Variants in GLIS1 observed in about 807,000 individuals in gnomAD.
The protein encoded by GLIS1 is GLIS family zinc finger 1, also known as zinc finger protein GLIS1.
A neutral mutation model predicts 63.8 loss-of-function variants in GLIS1; 24 were observed. The ratio of observed to expected loss-of-function variants is 0.38; its 90% CI spans 0.27 to 0.53. The LOEUF (loss-of-function observed/expected upper bound fraction) is 0.53, where lower values mean the gene tolerates loss of function less well. Ranked by LOEUF, GLIS1 falls within the 20% of genes least tolerant of loss-of-function variation. The pLI, the probability that GLIS1 is intolerant of heterozygous loss-of-function variation, is 0.85. For synonymous variants in GLIS1, 450 were observed against 482.5 expected (o/e 0.93, Z 0.88); for missense variants, 1,036 against 1,074.1 (o/e 0.96, Z 0.50).
At chr1:53,712,152 C>T (rs1025523233) in intron 2 of GLIS1, among the ~76,000 whole-genome samples, 6 of 152,172 alleles carry the variant, frequency 3.9e-5, no homozygotes, top group African/African-American at 1.4e-4. Flanking sequence ...TTCCTCCCCA[C>T]TACCCAACAT....
chr1:53,510,539 G>GAGACA (rs1644288592), intron 8 of GLIS1, among the ~76,000 whole-genome samples: 1 of 152,208 alleles, frequency 6.6e-6, no homozygotes, highest in Admixed American at 6.5e-5. Context: ...CAGGTCCTGG[G>GAGACA]AGACAGGTGT....
At chr1:53,678,145 G>T (rs1646234104) in intron 2 of GLIS1, among the ~76,000 whole-genome samples, 1 of 152,084 alleles carries the variant, frequency 6.6e-6, no homozygotes, top group Non-Finnish European at 1.5e-5. Context: ...CTGAGGCAGT[G>T]GGCACCCCCA....
chr1:53,636,931 G>A (rs1007617311), intron 2 of GLIS1, among the ~76,000 whole-genome samples: 18 of 152,188 alleles, frequency 1.2e-4, no homozygotes, highest in African/African-American at 3.9e-4. Context: ...TCTGTTCGTG[G>A]GCAGGACGAG....
At chr1:53,656,707 G>A (rs1021947856) in intron 2 of GLIS1, among the ~76,000 whole-genome samples, 3 of 152,240 alleles carry the variant, frequency 2.0e-5, no homozygotes, top group Non-Finnish European at 4.4e-5. Context: ...TGAGAAAGGG[G>A]TCGGAGAGGG....
chr1:53,527,422 G>C (rs868419846), intron 5 of GLIS1, among the ~76,000 whole-genome samples: 1 of 152,192 alleles, frequency 6.6e-6, no homozygotes, highest in Non-Finnish European at 1.5e-5. Flanking sequence ...GTCCATGTGC[G>C]GGGCCTCACA....
At chr1:53,709,249 T>C (rs1404407286) in intron 2 of GLIS1, among the ~76,000 whole-genome samples, 1 of 151,742 alleles carries the variant, frequency 6.6e-6, no homozygotes, top group African/African-American at 2.4e-5. Flanking sequence ...GCCTCGCACA[T>C]ATTGGGATCT....
rs1224230877 is a variant in GLIS1 at position 53,646,222 on chromosome 1, G to GT, written c.260-45945dup. Among the ~76,000 whole-genome samples the GT allele has an allele frequency of 6.6e-6, 1 of 152,172 alleles. No individual in the cohort carries two copies. Among genetic ancestry groups the GT allele is most frequent in the Non-Finnish European group, 1.5e-5 (1 of 68,032 alleles). Reference sequence around the variant, plus strand: ...AATGACAAACATAAGATTACCTCTAGTGGGTAAGCAGGGATGAAAGAAATA... The same window carrying GT: ...AATGACAAACATAAGATTACCTCTAGTTGGGTAAGCAGGGATGAAAGAAATA... On this transcript the variant is annotated intron_variant, in intron 2 of 10. Transcript: ENST00000628545. The surrounding 1 kb of genome is among the most constrained non-coding windows in gnomAD (Gnocchi z 4.2).
intron 2 of GLIS1, among the ~76,000 whole-genome samples, chr1:53,654,838 G>T (rs1645947546): frequency 6.6e-6 from 1 of 152,060 alleles, no homozygotes; most frequent in Non-Finnish European, 1.5e-5. Flanking sequence ...AGAGAGAAAT[G>T]GGACCAAAAG....
In GLIS1 at chr1:53,733,917, A is replaced by C. The variant is rs142768649; in HGVS notation, c.259+3889T>G. 3.0e-4 allele frequency: 299 copies of C among 985,358 alleles called. 2 individuals are homozygous for C. In the East Asian group the frequency reaches 0.026, roughly 84 times the overall value. The allele number at this position is 985,358 out of a possible 1,614,324, so 61.0% of individuals were successfully genotyped here. ...AGTCACTCATACCTTTCTATGAGGG[A>C]TGCGCTAGCCTTCCAAGGCCTCCCC... On this transcript the variant is annotated intron_variant, in intron 2 of 10. Coordinates refer to ENST00000628545, the MANE Select transcript of GLIS1 (RefSeq NM_001367484.1).
intron 2 of GLIS1, among the ~76,000 whole-genome samples, chr1:53,603,888 T>C (rs1479935510): frequency 2.6e-5 from 4 of 152,244 alleles, no homozygotes; most frequent in Non-Finnish European, 4.4e-5. Context: ...TGACCATCTA[T>C]TTCATTAATA....
chr1:53,594,774 G>T lies in GLIS1; in HGVS notation c.654C>A (p.Ser218Arg), dbSNP rs368812436. ...GGAGGCCCAGGCCAGAGCTGGGTTC[G>T]CTGCCCAGAAGGTAGCAGGAAGGCG... Reference protein sequence around the residue: ...TPAPSCYLLGSEPSSGLGLQP... With the variant: ...TPAPSCYLLGREPSSGLGLQP... Residue 218 changes from serine to arginine, a missense_variant, in exon 4 of 11, where the codon AGC (serine) becomes AGA (arginine). Ser to Arg is a moderately radical substitution (Grantham distance 110, BLOSUM62 -1). Around this residue, in one of 3 missense-constraint regions of GLIS1, gnomAD observed 592 missense variants for 593.9 expected, o/e 1.00. Coordinates refer to ENST00000628545, the MANE Select transcript of GLIS1 (RefSeq NM_001367484.1). The T allele has an allele frequency of 1.1e-5, 17 of 1,600,238 alleles. No individual in the cohort carries two copies. The highest frequency in any genetic ancestry group is 2.2e-5 in the East Asian group (1 of 44,732).
At chr1:53,514,162 G>T (rs1047002217) in intron 8 of GLIS1, among the ~76,000 whole-genome samples, 10 of 152,350 alleles carry the variant, frequency 6.6e-5, no homozygotes, top group Admixed American at 1.3e-4. Flanking sequence ...CGCAGGCCGG[G>T]CAATGCCCCA....
rs190356113 is a variant in GLIS1, at chr1:53,589,365, C to T, written c.1320+4743G>A. On this transcript the variant is annotated intron_variant, in intron 4 of 10. Coordinates refer to ENST00000628545, the MANE Select transcript of GLIS1 (RefSeq NM_001367484.1). The stretch of plus-strand genomic sequence containing the variant: ...AAGGAGCAACTCCCTTTAGCTCCCC[C>T]GCCCCTCCCAGCACCCAGGATTTTG... 3.8e-4 allele frequency among the ~76,000 whole-genome samples: 58 copies of T among 152,290 alleles called. 1 individual carries two copies. The East Asian group carries it at 6.8e-3, about 18-fold the overall frequency.
chr1:53,656,644 T>C (rs372358572), intron 2 of GLIS1, among the ~76,000 whole-genome samples: 1 of 152,256 alleles, frequency 6.6e-6, no homozygotes, highest in Non-Finnish European at 1.5e-5. Flanking sequence ...TGCAGATTTA[T>C]TGGACTTCTG....
chr1:53,638,125 G>A (rs1485415133), intron 2 of GLIS1, among the ~76,000 whole-genome samples: 1 of 152,232 alleles, frequency 6.6e-6, no homozygotes, highest in African/African-American at 2.4e-5. Context: ...GACTGCCACG[G>A]GGAGAAGCAC....
intron 4 of GLIS1, among the ~76,000 whole-genome samples, chr1:53,568,088 C>A (rs1353458493): frequency 6.6e-6 from 1 of 152,244 alleles, no homozygotes; most frequent in East Asian, 1.9e-4. Flanking sequence ...TACTCAACAC[C>A]AGCTCATGAA....
At chr1:53,721,683 ATTATTTTGCTAAAAATAAAAGT>A (rs1357074689) in intron 2 of GLIS1, among the ~76,000 whole-genome samples, 1 of 152,210 alleles carries the variant, frequency 6.6e-6, no homozygotes, top group Non-Finnish European at 1.5e-5. Context: ...TATGTTTGGC[ATTATTTTGCTAAAAATAAAAGT>A]TTATTTTTAG....
At chr1:53,677,937 G>T (rs1005964311) in intron 2 of GLIS1, among the ~76,000 whole-genome samples, 2 of 152,174 alleles carry the variant, frequency 1.3e-5, no homozygotes, top group African/African-American at 2.4e-5. Context: ...GTGTCAAATG[G>T]AAACACTGAT....
At chr1:53,572,207 C>T (rs185203928) in intron 4 of GLIS1, among the ~76,000 whole-genome samples, 9 of 152,268 alleles carry the variant, frequency 5.9e-5, no homozygotes, top group Admixed American at 3.9e-4. Flanking sequence ...ATCCTGGTGT[C>T]TCCACTTCCC....
Sources: allele counts gnomAD v4.1 joint callset (sites outside exome capture counted in the v4.1 genomes callset), GRCh38; gene constraint gnomAD v4.1.1; regional missense constraint gnomAD v4.1.1; non-coding constraint Gnocchi (gnomAD v3.1); transcripts MANE v1.5; gene names NCBI Gene and HGNC (gene_info 2026-07-23, HGNC 2026-07-21).